The following MBTPS1 variants were observed in gnomAD, a reference collection of about 807,000 sequenced individuals.
The protein encoded by MBTPS1 is membrane bound transcription factor peptidase, site 1, also known as membrane-bound transcription factor site-1 protease.
A neutral mutation model predicts 127.8 loss-of-function variants in MBTPS1; 94 were observed. That is an observed-to-expected ratio of 0.74 (90% confidence interval 0.62 to 0.87). MBTPS1 has a LOEUF of 0.87. Among genes scored for constraint, MBTPS1 ranks in the 40% least tolerant of loss-of-function variants. The pLI, the probability that MBTPS1 is intolerant of heterozygous loss-of-function variation, is 0.00. For synonymous variants in MBTPS1, 632 were observed against 509.4 expected (o/e 1.24, Z -3.24); for missense variants, 1,636 against 1,353.2 (o/e 1.21, Z -3.28).
At chr16:84,079,255 G>T (rs904165343) in intron 11 of MBTPS1, among the ~76,000 whole-genome samples, 1 of 152,206 alleles carries the variant, frequency 6.6e-6, no homozygotes, top group Admixed American at 6.5e-5. Flanking sequence ...GCAGAACCAG[G>T]AGCCAACTGA....
intron 1 of MBTPS1, among the ~76,000 whole-genome samples, chr16:84,107,004 G>A (rs2086332989): frequency 1.3e-5 from 2 of 152,182 alleles, no homozygotes; most frequent in South Asian, 4.1e-4. Context: ...TGACTTGGGA[G>A]ACACCAGCAG....
At position 84,070,024 on chromosome 16, in the gene MBTPS1, T is replaced by G; in HGVS notation, c.1797A>C (p.Ala599=). 6.4e-7 allele frequency: 1 copy of G among 1,570,760 alleles called. No homozygotes were observed. Residue 599 remains alanine, a synonymous_variant, in exon 14 of 23, where the codon GCA becomes GCC. Coordinates refer to ENST00000343411, the MANE Select transcript of MBTPS1 (RefSeq NM_003791.4). ...SPAETESKNG[A]EQTSTVKLPI... is the part of the protein sequence containing the mutation. ...GGAGCTTTACTGTTGAAGTCTGTTC[T>G]GCACCATTTTTTGACTAAAAAAAAA...
At chr16:84,064,618 T>C (rs1400603743) in intron 18 of MBTPS1, among the ~76,000 whole-genome samples, 1 of 152,106 alleles carries the variant, frequency 6.6e-6, no homozygotes, top group Non-Finnish European at 1.5e-5. Context: ...TCCCAGAGGG[T>C]ACAAGCCAAT....
chr16:84,099,356 T>C (rs1020941877), intron 2 of MBTPS1, 46 bp from the exon 3 acceptor site: 6 of 1,571,016 alleles, frequency 3.8e-6, no homozygotes, highest in Middle Eastern at 1.9e-4. Flanking sequence ...CGCACATACA[T>C]TATAACATAT....
At position 84,054,402 on chromosome 16, in the gene MBTPS1, CG is replaced by C; in HGVS notation, c.*46del. The C allele has an allele frequency of 1.3e-6, 2 of 1,508,368 alleles. No homozygotes were observed. 93.4% of individuals were successfully genotyped at this position (1,508,368 alleles called of 1,614,324 possible). A position where few individuals can be genotyped will look rare whatever the true frequency, so the allele number is the denominator to read the frequency against. On this transcript the variant is annotated 3_prime_UTR_variant, in exon 23 of 23. Coordinates refer to ENST00000343411, the MANE Select transcript of MBTPS1 (RefSeq NM_003791.4). The stretch of plus-strand genomic sequence containing the variant: ...CACAGCTCGGCTCACCCACCAGCGC[CG>C]TCCGTGAAGGCTCTCTCTGGCCCTC...
intron 1 of MBTPS1, among the ~76,000 whole-genome samples, chr16:84,104,873 A>G (rs897441669): frequency 1.3e-5 from 2 of 151,836 alleles, no homozygotes; most frequent in African/African-American, 4.8e-5. Flanking sequence ...GCCAGGAGTT[A>G]GAGACCAGCC....
At chr16:84,103,256 A>T (rs13338861) in intron 1 of MBTPS1, among the ~76,000 whole-genome samples, 40,428 of 137,072 alleles carry the variant, frequency 0.29, 6,036 homozygotes, top group East Asian at 0.42. Flanking sequence ...TATTATTATT[A>T]TTTTTTTTTT....
chr16:84,080,644 C>T (rs4782891), intron 11 of MBTPS1, among the ~76,000 whole-genome samples: 80,091 of 152,172 alleles, frequency 0.53, 21,610 homozygotes, highest in East Asian at 0.59. Flanking sequence ...CAGGAGGCAC[C>T]AGGGCAGGCC....
At position 84,101,854 on chromosome 16, in the gene MBTPS1, A is replaced by C. The variant is rs2086262075; in HGVS notation, c.-71T>G. On this transcript the variant is annotated 5_prime_UTR_variant, in exon 2 of 23. The change creates a new upstream start codon in the 5' untranslated region. Coordinates refer to ENST00000343411, the MANE Select transcript of MBTPS1 (RefSeq NM_003791.4). ...ACTTTTTTCTTCTTGATTAAAAGTGAATTTTTGTTTCAGCTAAAAGCTGCA... is the reference window on the plus strand; with the variant it reads ...ACTTTTTTCTTCTTGATTAAAAGTGCATTTTTGTTTCAGCTAAAAGCTGCA... 2 of 1,447,348 alleles carry C rather than the reference A, an allele frequency of 1.4e-6. No homozygotes were observed. The highest frequency in any genetic ancestry group is 2.8e-5 in the African/African-American group (2 of 70,598). 89.7% of individuals were successfully genotyped at this position (1,447,348 alleles called of 1,614,324 possible). A position where few individuals can be genotyped will look rare whatever the true frequency, so the allele number is the denominator to read the frequency against.
intron 2 of MBTPS1, 36 bp downstream of exon 2, chr16:84,101,585 G>C (rs1193049210): frequency 6.5e-7 from 1 of 1,535,290 alleles, no homozygotes; most frequent in Non-Finnish European, 8.9e-7. Flanking sequence ...AAAAAAATAG[G>C]ATGGGAGTTC....
intron 1 of MBTPS1, among the ~76,000 whole-genome samples, chr16:84,111,602 G>C (rs925499563): frequency 3.9e-5 from 6 of 152,008 alleles, no homozygotes; most frequent in African/African-American, 1.4e-4. Flanking sequence ...AAGAAGTCAG[G>C]AGCCAAGGAA....
intron 11 of MBTPS1, among the ~76,000 whole-genome samples, chr16:84,081,213 G>A (rs1040781252): frequency 6.6e-6 from 1 of 152,224 alleles, no homozygotes; most frequent in Admixed American, 6.5e-5. Context: ...AACTATTTGT[G>A]AAACTTTGCT....
At chr16:84,074,289 C>T (rs1252517653) in intron 12 of MBTPS1, among the ~76,000 whole-genome samples, 2 of 151,232 alleles carry the variant, frequency 1.3e-5, no homozygotes, top group Admixed American at 1.3e-4. Flanking sequence ...GGCTGGAGTG[C>T]AATGGCATGA....
chr16:84,066,863 G>A (rs1295525648), intron 16 of MBTPS1, among the ~76,000 whole-genome samples: 1 of 152,168 alleles, frequency 6.6e-6, no homozygotes, highest in East Asian at 1.9e-4. Context: ...AAATGCACCA[G>A]AGATAACTGC....
chr16:84,101,869 T>C lies in MBTPS1; in HGVS notation c.-86A>G, dbSNP rs1597348971. ...ATTAAAAGTGAATTTTTGTTTCAGC[T>C]AAAAGCTGCAACATTACTAATCAGC... On this transcript the variant is annotated 5_prime_UTR_variant, in exon 2 of 23. Transcript: ENST00000343411. 7.7e-7 allele frequency: 1 copy of C among 1,307,080 alleles called. No homozygotes were observed. Among genetic ancestry groups the C allele is most frequent in the East Asian group, 2.3e-5 (1 of 43,036 alleles). The allele number at this position is 1,307,080 out of a possible 1,614,324, so 81.0% of individuals were successfully genotyped here.
In MBTPS1 at chr16:84,091,792, G is replaced by C. The variant is rs770721658; in HGVS notation, c.903C>G (p.Ile301Met). The C allele has an allele frequency of 3.1e-6, 5 of 1,614,122 alleles. No individual in the cohort carries two copies. Among genetic ancestry groups the C allele is most frequent in the Non-Finnish European group, 4.2e-6 (5 of 1,179,986 alleles). The part of the protein sequence containing the change: ...DAFNYAILKK[I>M]DVLNLSIGGP... ...CGCCGATGCTGAGGTTTAACACGTCGATCTTCTTTAAAATGGCATAGTTGA... is the reference window on the plus strand; with the variant it reads ...CGCCGATGCTGAGGTTTAACACGTCCATCTTCTTTAAAATGGCATAGTTGA... The change falls in exon 7 of 23, where the codon ATC becomes ATG. Residue 301 changes from isoleucine to methionine, a missense_variant. Physicochemically the swap from Ile to Met is conservative, Grantham distance 10. Transcript: ENST00000343411.
chr16:84,066,011 C>T (rs1328100321), intron 17 of MBTPS1, among the ~76,000 whole-genome samples: 1 of 152,066 alleles, frequency 6.6e-6, no homozygotes, highest in Non-Finnish European at 1.5e-5. Flanking sequence ...AAGAAAAATA[C>T]TATTAACATT....
chr16:84,059,637 G>T, intron 20 of MBTPS1: 1 of 461,900 alleles, frequency 2.2e-6, no homozygotes, highest in South Asian at 2.6e-5. Context: ...CTGAAGGTGG[G>T]TGAGAAAATC....
At chr16:84,095,212 C>T (rs2151164863) in intron 4 of MBTPS1, among the ~76,000 whole-genome samples, 1 of 152,338 alleles carries the variant, frequency 6.6e-6, no homozygotes, top group Non-Finnish European at 1.5e-5. Context: ...ACCATCTTTC[C>T]CCAAGAAGTG....
Sources: allele counts gnomAD v4.1 joint callset (sites outside exome capture counted in the v4.1 genomes callset), GRCh38; gene constraint gnomAD v4.1.1; transcripts MANE v1.5; gene names NCBI Gene and HGNC (gene_info 2026-07-23, HGNC 2026-07-21).